The following PRELID2 variants were observed in gnomAD, a reference collection of about 807,000 sequenced individuals.
The protein encoded by PRELID2 is PRELI domain containing 2, also known as PRELI domain-containing protein 2.
In PRELID2, 25 loss-of-function variants were observed where a neutral mutation model predicts 28.4. The observed-to-expected ratio is 0.88, with a 90% CI of 0.64 to 1.23. The LOEUF (loss-of-function observed/expected upper bound fraction) is 1.23. PRELID2 is among the 50% of genes most tolerant of loss of function. PRELID2 has a pLI of 0.00. For synonymous variants in PRELID2, 76 were observed against 71.6 expected (o/e 1.06, Z -0.31); for missense variants, 201 against 214.4 (o/e 0.94, Z 0.39).
At chr5:145,614,698 G>A (rs1753669512) in intron 1 of PRELID2, among the ~76,000 whole-genome samples, 1 of 152,166 alleles carries the variant, frequency 6.6e-6, no homozygotes, top group Non-Finnish European at 1.5e-5. Context: ...AAACTTTGCT[G>A]AATTATTTAT....
intron 5 of PRELID2, among the ~76,000 whole-genome samples, chr5:145,788,740 C>T (rs1018578282): frequency 1.3e-5 from 2 of 151,430 alleles, no homozygotes; most frequent in African/African-American, 4.9e-5. Flanking sequence ...TTGCTGGCAA[C>T]ATGATCTTAT....
At chr5:145,286,696 G>GTTTTTTTTTTTTTTTTTTTTT in the PRELID2 span, among the ~76,000 whole-genome samples, 1 of 116,990 alleles carries the variant, frequency 8.5e-6, no homozygotes, top group Admixed American at 7.9e-5. Context: ...CAACATAGAA[G>GTTTTTTTTTTTTTTTTTTTTT]TTTTTGTTTT....
chr5:145,503,474 T>C (rs1752377414), intron 1 of PRELID2, among the ~76,000 whole-genome samples: 1 of 152,200 alleles, frequency 6.6e-6, no homozygotes, highest in Admixed American at 6.5e-5. Flanking sequence ...TCACATTTAT[T>C]AAGCTCCTAC....
the PRELID2 span, among the ~76,000 whole-genome samples, chr5:145,356,633 C>T: frequency 4.0e-5 from 6 of 151,756 alleles, no homozygotes; most frequent in African/African-American, 7.3e-5. Flanking sequence ...GATTTTTCTC[C>T]GTTCCCTTAC....
At chr5:145,679,159 G>A (rs1190342699) in intron 1 of PRELID2, among the ~76,000 whole-genome samples, 1 of 152,114 alleles carries the variant, frequency 6.6e-6, no homozygotes, top group Non-Finnish European at 1.5e-5. Context: ...TTGGCCCCTT[G>A]GGATTGAAAC....
chr5:145,231,547 A>T, the PRELID2 span, among the ~76,000 whole-genome samples: 1 of 152,226 alleles, frequency 6.6e-6, no homozygotes, highest in South Asian at 2.1e-4. Flanking sequence ...GACAGTTTGT[A>T]TAAATAAATA....
chr5:145,455,471 C>T, the PRELID2 span, among the ~76,000 whole-genome samples: 3 of 152,084 alleles, frequency 2.0e-5, no homozygotes, highest in South Asian at 6.2e-4. Flanking sequence ...TTATTTCTAA[C>T]TCTGTGAAGA....
At chr5:145,630,875 T>A (rs557465523) in intron 1 of PRELID2, among the ~76,000 whole-genome samples, 54 of 152,336 alleles carry the variant, frequency 3.5e-4, no homozygotes, top group African/African-American at 1.3e-3. Context: ...AACACATTTT[T>A]GAAGAGAATA....
intron 1 of PRELID2, among the ~76,000 whole-genome samples, chr5:145,604,035 T>C (rs563561546): frequency 6.6e-6 from 1 of 152,226 alleles, no homozygotes; most frequent in South Asian, 2.1e-4. Flanking sequence ...AATGACACTA[T>C]ATATAAATAT....
intron 1 of PRELID2, among the ~76,000 whole-genome samples, chr5:145,736,527 T>C (rs572739881): frequency 6.6e-6 from 1 of 152,334 alleles, no homozygotes; most frequent in Non-Finnish European, 1.5e-5. Flanking sequence ...TGTTCTTTGA[T>C]GAAGAGGTTT....
intron 1 of PRELID2, among the ~76,000 whole-genome samples, chr5:145,635,516 C>T (rs999579149): frequency 1.3e-5 from 2 of 152,058 alleles, no homozygotes; most frequent in African/African-American, 4.8e-5. Context: ...ATTAGCATCC[C>T]CACTTGAAGA....
At chr5:145,334,087 C>A in the PRELID2 span, among the ~76,000 whole-genome samples, 9 of 152,102 alleles carry the variant, frequency 5.9e-5, no homozygotes, top group Non-Finnish European at 1.0e-4. Context: ...TTTGGCTCAA[C>A]CTCCATAGGC....
the PRELID2 span, among the ~76,000 whole-genome samples, chr5:145,246,108 A>G: frequency 6.6e-6 from 1 of 152,044 alleles, no homozygotes; most frequent in Admixed American, 6.6e-5. Context: ...AAGAAATTCG[A>G]TTAACAACAA....
chr5:145,779,332 A>C (rs1378900287), intron 5 of PRELID2, among the ~76,000 whole-genome samples: 1 of 152,190 alleles, frequency 6.6e-6, no homozygotes, highest in Admixed American at 6.5e-5. Flanking sequence ...AATCTTTTCT[A>C]AGGCAATGGT....
At chr5:145,249,930 TC>T in the PRELID2 span, among the ~76,000 whole-genome samples, 1 of 150,256 alleles carries the variant, frequency 6.7e-6, no homozygotes. Context: ...TCTCTCTCTC[TC>T]TCTCTGTCTC....
At chr5:145,427,421 C>A in the PRELID2 span, among the ~76,000 whole-genome samples, 2 of 152,114 alleles carry the variant, frequency 1.3e-5, no homozygotes, top group Non-Finnish European at 2.9e-5. Context: ...TTTTTTTATT[C>A]AGACAAGAAT....
At chr5:145,536,553 C>T (rs1752700364) in intron 1 of PRELID2, among the ~76,000 whole-genome samples, 2 of 151,810 alleles carry the variant, frequency 1.3e-5, no homozygotes, top group Non-Finnish European at 2.9e-5. Context: ...TTATTTATTT[C>T]CTATGTGGAG....
intron 1 of PRELID2, among the ~76,000 whole-genome samples, chr5:145,491,387 C>T (rs1229377085): frequency 6.6e-6 from 1 of 152,120 alleles, no homozygotes; most frequent in East Asian, 1.9e-4. Flanking sequence ...CTAATCACTT[C>T]TGAAAGGCTC....
the PRELID2 span, among the ~76,000 whole-genome samples, chr5:145,314,985 G>T: frequency 1.3e-4 from 19 of 149,272 alleles, no homozygotes; most frequent in African/African-American, 4.7e-4. Flanking sequence ...TTTGTTTTTT[G>T]ATCTTAAAAG....
Sources: gnomAD v4.1 joint callset for allele counts (sites outside exome capture counted in the v4.1 genomes callset) on GRCh38, gnomAD v4.1.1 for gene constraint, MANE v1.5 for transcripts, NCBI Gene and HGNC (gene_info 2026-07-23, HGNC 2026-07-21) for gene names.